The following SPG7 variants were observed in gnomAD, a reference collection of about 807,000 sequenced individuals.
SPG7 encodes the protein SPG7 matrix AAA peptidase subunit, paraplegin, also known as mitochondrial inner membrane m-AAA protease component paraplegin.
Under a neutral mutation model 81.9 loss-of-function variants are expected in SPG7, and 103 were observed. The ratio of observed to expected loss-of-function variants is 1.26; its 90% CI spans 1.07 to 1.48. The LOEUF (loss-of-function observed/expected upper bound fraction) is 1.48, where lower values mean the gene tolerates loss of function less well. Among genes scored for constraint, SPG7 ranks in the 40% most tolerant of loss-of-function variants. SPG7 has a pLI of 0.00. For synonymous variants in SPG7, 534 were observed against 444.2 expected, an observed-to-expected ratio of 1.20 and a Z score of -2.54; for missense variants, 1,241 against 1,087.3, an observed-to-expected ratio of 1.14 and a Z score of -1.99.
Position 89,513,166 on chromosome 16 carries a change from T to A in SPG7, c.376+129T>A, listed in dbSNP as rs2058045187. On this transcript the variant is annotated intron_variant, in intron 3 of 16. Transcript: ENST00000645818. ...GGCCGGGTGCAGTGGCTCACACTTG[T>A]AATCGAAACGCTTTGGGAGGCCCAG... 6 of 1,361,532 alleles carry A rather than the reference T, an allele frequency of 4.4e-6. No homozygotes were observed. In the Admixed American group the frequency reaches 8.2e-5, roughly 19 times the overall value. 84.3% of individuals were successfully genotyped at this position (1,361,532 alleles called of 1,614,324 possible). A position where few individuals can be genotyped will look rare whatever the true frequency, so the allele number is the denominator to read the frequency against.
rs1184740621 is a variant in SPG7 at position 89,528,395 on chromosome 16, C to CA, written c.759-1066dup. 6.2e-3 allele frequency among the ~76,000 whole-genome samples: 578 copies of CA among 93,452 alleles called. 3 individuals are homozygous for CA. The highest frequency in any genetic ancestry group is 0.016 in the African/African-American group (402 of 24,642). 61.3% of individuals were successfully genotyped at this position (93,452 alleles called of 152,430 possible). ...TGACAGAGCCAGACTCCATCTCAAA[C>CA]AAAAAAAAAAAAAAAAGAAGAAGAT... On this transcript the variant is annotated intron_variant, in intron 5 of 16. Coordinates refer to ENST00000645818, the MANE Select transcript of SPG7 (RefSeq NM_003119.4).
At chr16:89,521,574 T>A (rs2058188279) in intron 3 of SPG7, 1 of 152,196 alleles carries the variant, frequency 6.6e-6, no homozygotes, top group South Asian at 2.1e-4. Context: ...AGACCTCATC[T>A]TCTACTCAAA....
intron 3 of SPG7, chr16:89,518,268 T>G (rs937721028): frequency 1.1e-4 from 17 of 152,224 alleles, no homozygotes; most frequent in African/African-American, 3.9e-4. Context: ...TAGAAACAGC[T>G]TTGCCAGCCG....
rs115278139 is a variant in SPG7, at chr16:89,553,019, C to T, written c.1820C>T (p.Ala607Val). Reference sequence around the variant, plus strand: ...CGGACAAACGCCGCCCTGGGCTTTGCTCAGATGCTCCCCAGAGACCAGCAC... The same window carrying T: ...CGGACAAACGCCGCCCTGGGCTTTGTTCAGATGCTCCCCAGAGACCAGCAC... ...TPRTNAALGF[A>V]QMLPRDQHLF... is the part of the protein sequence containing the mutation. The change falls in exon 14 of 17, where the codon GCT becomes GTT. Residue 607 changes from alanine (A) to valine (V), a missense_variant. Coordinates refer to ENST00000645818, the MANE Select transcript of SPG7 (RefSeq NM_003119.4). The T allele has an allele frequency of 1.1e-5, 17 of 1,613,992 alleles. No individual in the cohort carries two copies. The East Asian group carries it at 2.2e-4, about 21-fold the overall frequency.
intron 4 of SPG7, 100 bp from the exon 5 acceptor site, chr16:89,526,229 G>T: frequency 1.5e-6 from 2 of 1,374,446 alleles, no homozygotes; most frequent in Non-Finnish European, 1.0e-6. Context: ...CAATGCTGAG[G>T]TTGTCATTAC....
chr16:89,542,848 C>T (rs2058512688), intron 9 of SPG7: 1 of 152,224 alleles, frequency 6.6e-6, no homozygotes, highest in Non-Finnish European at 1.5e-5. Context: ...ATGGTCCTCC[C>T]ACCTTGGCCT....
At chr16:89,515,225 C>T (rs191196442) in intron 3 of SPG7, among the ~76,000 whole-genome samples, 22 of 149,750 alleles carry the variant, frequency 1.5e-4, no homozygotes, top group Admixed American at 4.0e-4. Context: ...AGTGGGCCAC[C>T]GCACCCAGCC....
chr16:89,524,676 C>T (rs2058238263), intron 4 of SPG7, among the ~76,000 whole-genome samples: 2 of 152,052 alleles, frequency 1.3e-5, no homozygotes, highest in African/African-American at 4.8e-5. Context: ...AACTCCTGAC[C>T]TCAGGTGATC....
intron 3 of SPG7, 139 bp downstream of exon 3, chr16:89,513,176 G>A (rs1001678544): frequency 2.4e-5 from 29 of 1,224,762 alleles, no homozygotes; most frequent in Middle Eastern, 1.9e-4. Flanking sequence ...TAATCGAAAC[G>A]CTTTGGGAGG....
In SPG7 at chr16:89,546,724, T is replaced by A. The variant is rs764553749; in HGVS notation, c.1516T>A (p.Ser506Thr). The A allele has an allele frequency of 1.9e-6, 3 of 1,613,594 alleles. No individual in the cohort carries two copies. The highest frequency in any genetic ancestry group is 2.5e-6 in the Non-Finnish European group (3 of 1,179,578). ...GCTGACCCAGTCCAGCACCTTTTAC[T>A]CCCAGCGTCTGGCAGAGCTGACACC... ...LKLTQSSTFYSQRLAELTPGF... is the reference protein window; with the variant it reads ...LKLTQSSTFYTQRLAELTPGF... Residue 506 changes from serine to threonine, a missense_variant, in exon 11 of 17, where the codon TCC becomes ACC. Physicochemically the swap from Ser to Thr is moderately conservative, Grantham distance 58. Coordinates refer to ENST00000645818, the MANE Select transcript of SPG7 (RefSeq NM_003119.4).
At chr16:89,514,203 A>G (rs565462286) in intron 3 of SPG7, 1 of 152,052 alleles carries the variant, frequency 6.6e-6, no homozygotes, top group African/African-American at 2.4e-5. Flanking sequence ...GCCACTCAGA[A>G]CTATCTTCTA....
intron 9 of SPG7, among the ~76,000 whole-genome samples, chr16:89,535,563 G>C (rs1044719594): frequency 6.6e-6 from 1 of 152,160 alleles, no homozygotes; most frequent in East Asian, 1.9e-4. Context: ...TGCACACACA[G>C]CAAGTGGTCA....
intron 16 of SPG7, 95 bp from the exon 17 acceptor site, chr16:89,556,792 C>T: frequency 1.0e-6 from 1 of 985,470 alleles, no homozygotes. Flanking sequence ...GTCCTGCACA[C>T]AGACAGGCCC....
chr16:89,531,146 AC>A, intron 7 of SPG7: 1 of 415,836 alleles, frequency 2.4e-6, no homozygotes, highest in Non-Finnish European at 4.6e-6. Flanking sequence ...GCTGCCTATC[AC>A]GTGCGTCACT....
chr16:89,516,625 C>A (rs946371578), intron 3 of SPG7, among the ~76,000 whole-genome samples: 1 of 151,570 alleles, frequency 6.6e-6, no homozygotes, highest in Non-Finnish European at 1.5e-5. Context: ...CTTTGGGAGG[C>A]CAAGGCGAGC....
intron 3 of SPG7, among the ~76,000 whole-genome samples, chr16:89,516,406 G>T (rs1198521647): frequency 1.3e-5 from 2 of 151,806 alleles, no homozygotes; most frequent in Non-Finnish European, 2.9e-5. Context: ...AAAAAAATTA[G>T]CCAGGTGTGG....
chr16:89,540,069 G>C (rs2058475699), intron 9 of SPG7: 1 of 152,530 alleles, frequency 6.6e-6, no homozygotes, highest in Non-Finnish European at 1.5e-5. Flanking sequence ...TGCATGTGGG[G>C]GTCTGTGCTG....
rs115448299 is a variant in SPG7, at chr16:89,544,682, G to A, written c.1359G>A (p.Ala453=). 6.6e-5 allele frequency: 106 copies of A among 1,614,072 alleles called. No homozygotes were observed. The African/African-American group carries it at 8.5e-4, about 13-fold the overall frequency. Residue 453 remains alanine (A), a synonymous_variant, in exon 10 of 17, where the codon GCG becomes GCA. Coordinates refer to ENST00000645818, the MANE Select transcript of SPG7 (RefSeq NM_003119.4). ...MGTTDHVIVL[A]STNRADILDG... ...CCACAGACCATGTCATCGTCCTGGC[G>A]TCCACGAACCGAGCTGACATTTTGG...
rs773806649 is a variant in SPG7, at chr16:89,548,086, G to T, written c.1636G>T (p.Glu546Ter). The part of the protein sequence containing the change: ...GHTSVHTLNF[E>*]YAVERVLAGT... ...CACTTCCGTGCACACTCTCAACTTC[G>T]AGTACGCCGTGGAGCGCGTCCTCGC... is the stretch of plus-strand genomic sequence containing the variant. The change falls in exon 12 of 17, where the codon GAG (glutamate) becomes TAG (stop). Residue 546 changes from glutamate (E) to a stop codon, truncating the protein, a stop_gained. Transcript: ENST00000645818. LOFTEE classifies it high-confidence loss of function. 6.2e-7 allele frequency: 1 copy of T among 1,608,636 alleles called. No individual in the cohort carries two copies. Among genetic ancestry groups the T allele is most frequent in the South Asian group, 1.1e-5 (1 of 91,088 alleles).
Sources: gnomAD v4.1 joint callset for allele counts (sites outside exome capture counted in the v4.1 genomes callset) on GRCh38, gnomAD v4.1.1 for gene constraint, MANE v1.5 for transcripts, NCBI Gene and HGNC (gene_info 2026-07-23, HGNC 2026-07-21) for gene names.